Variants in CPE observed in about 807,000 individuals in gnomAD.
CPE encodes carboxypeptidase E, also known as carbocypeptidase E.
In CPE, 17 loss-of-function variants were observed where a neutral mutation model predicts 53.5. The observed-to-expected ratio is 0.32, with a 90% CI of 0.22 to 0.48. The LOEUF (loss-of-function observed/expected upper bound fraction) is 0.48, where lower values mean the gene tolerates loss of function less well. CPE is among the 20% of genes least tolerant of loss of function. The pLI is 0.99. For synonymous variants in CPE, 226 were observed against 228.8 expected, an observed-to-expected ratio of 0.99 and a Z score of 0.11; for missense variants, 524 against 614.7, an observed-to-expected ratio of 0.85 and a Z score of 1.56.
At chr4:165,439,361 GA>G (rs1443286918) in intron 1 of CPE, among the ~76,000 whole-genome samples, 1 of 152,162 alleles carries the variant, frequency 6.6e-6, no homozygotes, top group African/African-American at 2.4e-5. Context: ...AGATGGTGGG[GA>G]GGGGGAATAG....
At chr4:165,423,485 T>G (rs1452991640) in intron 1 of CPE, among the ~76,000 whole-genome samples, 1 of 151,942 alleles carries the variant, frequency 6.6e-6, no homozygotes, top group East Asian at 1.9e-4. Context: ...ATTTATAAAT[T>G]TATAAAATTT....
chr4:165,467,381 G>C (rs936194916), intron 2 of CPE, among the ~76,000 whole-genome samples: 2 of 152,208 alleles, frequency 1.3e-5, no homozygotes, highest in Non-Finnish European at 2.9e-5. Flanking sequence ...GGCCTACACA[G>C]GGTCAGGATC....
At chr4:165,468,844 C>T (rs1732151654) in intron 3 of CPE, among the ~76,000 whole-genome samples, 1 of 152,210 alleles carries the variant, frequency 6.6e-6, no homozygotes, top group Admixed American at 6.5e-5. Flanking sequence ...CTTAGCAGCT[C>T]TCCACTGCCC....
chr4:165,475,443 G>A (rs934281094), intron 3 of CPE, among the ~76,000 whole-genome samples: 1 of 152,210 alleles, frequency 6.6e-6, no homozygotes, highest in Non-Finnish European at 1.5e-5. Flanking sequence ...TTGCAAGGGA[G>A]CCTATGTCTT....
At chr4:165,435,664 A>G (rs908553837) in intron 1 of CPE, among the ~76,000 whole-genome samples, 2 of 152,196 alleles carry the variant, frequency 1.3e-5, no homozygotes, top group Non-Finnish European at 2.9e-5. Context: ...AACATTACAC[A>G]TAAATTTGAA....
At chr4:165,481,704 C>T (rs545291710) in intron 3 of CPE, among the ~76,000 whole-genome samples, 3 of 152,146 alleles carry the variant, frequency 2.0e-5, no homozygotes, top group Non-Finnish European at 4.4e-5. Context: ...TTTTACAGTC[C>T]ACTCTGAAAG....
chr4:165,406,194 A>G, intron 1 of CPE: 1 of 689,246 alleles, frequency 1.5e-6, no homozygotes, highest in South Asian at 1.4e-5. Context: ...GTTAATTTAA[A>G]TAACTATCAC....
chr4:165,407,543 C>T (rs1033986923), intron 1 of CPE, among the ~76,000 whole-genome samples: 3 of 149,970 alleles, frequency 2.0e-5, no homozygotes, highest in Non-Finnish European at 4.4e-5. Flanking sequence ...TGCCGGGCTT[C>T]AATTTTTTCT....
chr4:165,416,201 A>C (rs1731118989), intron 1 of CPE, among the ~76,000 whole-genome samples: 1 of 151,252 alleles, frequency 6.6e-6, no homozygotes. Flanking sequence ...TTCCTTAATA[A>C]AGTTACACAC....
At chr4:165,487,827 T>C (rs1732534597) in intron 6 of CPE, among the ~76,000 whole-genome samples, 1 of 152,142 alleles carries the variant, frequency 6.6e-6, no homozygotes, top group Admixed American at 6.5e-5. Flanking sequence ...TTTCTGTTTG[T>C]ATTATTCTAA....
rs974775816 is a variant in CPE, at chr4:165,440,451, C to G, written c.308-23939C>G. On this transcript the variant is annotated intron_variant, in intron 1 of 8. Transcript: ENST00000402744. ...TAGCTGCTGCTGCTGCTCTCACAAC[C>G]CCACCCCCCCCCACACACACAAGCT... is the stretch of plus-strand genomic sequence containing the variant. Among the ~76,000 whole-genome samples the G allele has an allele frequency of 4.0e-4, 55 of 138,320 alleles. 4 individuals are homozygous for G. Among genetic ancestry groups the G allele is most frequent in the African/African-American group, 1.6e-3 (54 of 32,952 alleles). The allele number at this position is 138,320 out of a possible 152,430, so 90.7% of individuals were successfully genotyped here.
intron 1 of CPE, chr4:165,386,284 C>T (rs1388156691): frequency 2.0e-6 from 1 of 507,314 alleles, no homozygotes; most frequent in Non-Finnish European, 3.9e-6. Flanking sequence ...CAACAAGAAG[C>T]TCCTATAGCT....
chr4:165,444,936 A>G (rs1731679021), intron 1 of CPE, among the ~76,000 whole-genome samples: 1 of 136,116 alleles, frequency 7.3e-6, no homozygotes, highest in Non-Finnish European at 1.6e-5. Flanking sequence ...GTATTATTCC[A>G]TTCTCTTTCT....
chr4:165,480,995 GATATAT>G lies in CPE; in HGVS notation c.673-1230_673-1225del, dbSNP rs758491096. 8.2e-4 allele frequency among the ~76,000 whole-genome samples: 108 copies of G among 132,158 alleles called. 14 individuals carry two copies. In the Middle Eastern group the frequency reaches 0.019, roughly 24 times the overall value. 86.7% of individuals were successfully genotyped at this position (132,158 alleles called of 152,430 possible). The stretch of plus-strand genomic sequence containing the variant: ...GTCTGTCTCTACATTTTCTACAATG[GATATAT>G]ATATATATATATATATTTTTTTTTT... On this transcript the variant is annotated intron_variant, in intron 3 of 8. Transcript: ENST00000402744.
At chr4:165,404,312 A>C in intron 1 of CPE, 3 of 771,782 alleles carry the variant, frequency 3.9e-6, no homozygotes, top group Non-Finnish European at 7.3e-6. Context: ...TGCCTCATTC[A>C]CAAATCTTGT....
chr4:165,476,021 C>G (rs952026007), intron 3 of CPE, among the ~76,000 whole-genome samples: 2 of 152,174 alleles, frequency 1.3e-5, no homozygotes, highest in African/African-American at 4.8e-5. Context: ...AGTCATGTGG[C>G]ACAAAGGTAT....
At chr4:165,473,272 C>G (rs1379043125) in intron 3 of CPE, among the ~76,000 whole-genome samples, 1 of 152,216 alleles carries the variant, frequency 6.6e-6, no homozygotes, top group Non-Finnish European at 1.5e-5. Context: ...CAAGAATTTA[C>G]CATACAAGAT....
rs74886969 is a variant in CPE, at chr4:165,442,712, C to A, written c.308-21678C>A. On this transcript the variant is annotated intron_variant, in intron 1 of 8. Coordinates refer to ENST00000402744, the MANE Select transcript of CPE (RefSeq NM_001873.4). ...GTACAGAGAGAGAAAATTGCCACCA[C>A]TGCAGAAAGTTCTACTGGAGAGTAA... Among the ~76,000 whole-genome samples the A allele has an allele frequency of 7.7e-3, 1,180 of 152,320 alleles. 14 individuals are homozygous for A. Among genetic ancestry groups the A allele is most frequent in the African/African-American group, 0.027 (1,135 of 41,582 alleles).
intron 1 of CPE, among the ~76,000 whole-genome samples, chr4:165,399,262 T>C (rs1730829299): frequency 6.6e-6 from 1 of 152,202 alleles, no homozygotes; most frequent in African/African-American, 2.4e-5. Flanking sequence ...ATAAAAATAA[T>C]GGATTTTCAA....
Sources: allele counts gnomAD v4.1 joint callset (sites outside exome capture counted in the v4.1 genomes callset), GRCh38; gene constraint gnomAD v4.1.1; transcripts MANE v1.5; gene names NCBI Gene and HGNC (gene_info 2026-07-23, HGNC 2026-07-21).